The following BRF1 variants were observed in gnomAD, a reference collection of about 807,000 sequenced individuals.
BRF1 encodes transcription factor IIIB 90 kDa subunit.
In BRF1, 59 loss-of-function variants were observed where a neutral mutation model predicts 81.7. The observed-to-expected ratio is 0.72, with a 90% CI of 0.59 to 0.90. The LOEUF is 0.90. Among genes scored for constraint, BRF1 ranks in the 40% least tolerant of loss-of-function variants. The pLI is 0.00. For synonymous variants in BRF1, 491 were observed against 395.6 expected, an observed-to-expected ratio of 1.24 and a Z score of -2.86; for missense variants, 1,050 against 936.3, an observed-to-expected ratio of 1.12 and a Z score of -1.58.
At chr14:105,229,567 C>A (rs587664136) in intron 6 of BRF1, among the ~76,000 whole-genome samples, 12 of 152,210 alleles carry the variant, frequency 7.9e-5, no homozygotes, top group African/African-American at 2.9e-4. Flanking sequence ...GCACCAAGGG[C>A]AAAGTGAGAG....
chr14:105,246,983 T>C lies in BRF1; in HGVS notation c.544+5524A>G, dbSNP rs587654616. The stretch of plus-strand genomic sequence containing the variant: ...TTCCCCAAATGGACCCACCACAACC[T>C]GCTGATCCTTTCTGTTGCTGATGGA... On this transcript the variant is annotated intron_variant, in intron 5 of 17. Coordinates refer to ENST00000547530, the MANE Select transcript of BRF1 (RefSeq NM_001519.4). The C allele has an allele frequency of 2.2e-4, 221 of 985,462 alleles. 1 individual carries two copies. The highest frequency in any genetic ancestry group is 1.6e-3 in the Middle Eastern group (3 of 1,914). The allele number at this position is 985,462 out of a possible 1,614,324, so 61.0% of individuals were successfully genotyped here. A position where few individuals can be genotyped will look rare whatever the true frequency, so the allele number is the denominator to read the frequency against.
chr14:105,219,574 AG>A (rs1891913118), intron 12 of BRF1: 1 of 474,200 alleles, frequency 2.1e-6, no homozygotes, highest in East Asian at 3.4e-5. Context: ...ACTCAGGTAC[AG>A]ATGGGCCAGG....
At chr14:105,249,061 G>C in intron 5 of BRF1, 1 of 1,314,342 alleles carries the variant, frequency 7.6e-7, no homozygotes. Flanking sequence ...GGCTGGCGGT[G>C]CTGCCGCCCC....
intron 3 of BRF1, among the ~76,000 whole-genome samples, chr14:105,262,088 G>A (rs587758809): frequency 5.3e-5 from 8 of 152,336 alleles, no homozygotes; most frequent in East Asian, 1.9e-4. Context: ...AGCACTCAGC[G>A]GCCGACCAAG....
At chr14:105,248,428 C>G (rs906627252) in intron 5 of BRF1, 10 of 985,356 alleles carry the variant, frequency 1.0e-5, no homozygotes, top group Non-Finnish European at 1.2e-5. Context: ...CTGCACAGCG[C>G]GCGGCTCGCG....
intron 1 of BRF1, 94 bp from the exon 2 acceptor site, chr14:105,286,470 C>A: frequency 7.6e-7 from 1 of 1,308,808 alleles, no homozygotes; most frequent in Non-Finnish European, 1.1e-6. Context: ...GAGAACAAAG[C>A]GGGGGTCAGC....
At chr14:105,313,013 C>T (rs2058388362) in intron 1 of BRF1, among the ~76,000 whole-genome samples, 1 of 152,150 alleles carries the variant, frequency 6.6e-6, no homozygotes, top group South Asian at 2.1e-4. Context: ...ACTGTCACGT[C>T]CCTTAAGGGC....
chr14:105,211,333 G>A lies in BRF1; in HGVS notation c.1825-40C>T. 3 of 1,528,698 alleles carry A rather than the reference G, an allele frequency of 2.0e-6. No homozygotes were observed. The South Asian group carries it at 3.7e-5, about 19-fold the overall frequency. The allele number at this position is 1,528,698 out of a possible 1,614,324, so 94.7% of individuals were successfully genotyped here. The stretch of plus-strand genomic sequence containing the variant: ...GGCTCTGACACACACAGAGCTGGGA[G>A]CCCTGTGTATCTCAACAGACCCCTC... On this transcript the variant is annotated intron_variant, in intron 16 of 17. Coordinates refer to ENST00000547530, the MANE Select transcript of BRF1 (RefSeq NM_001519.4).
chr14:105,211,696 C>A, intron 16 of BRF1: 1 of 351,228 alleles, frequency 2.8e-6, no homozygotes, highest in Non-Finnish European at 5.3e-6. Flanking sequence ...CAGCCCCCGC[C>A]ACCTGCCAGC....
At chr14:105,226,460 C>G (rs749223438) in intron 8 of BRF1, among the ~76,000 whole-genome samples, 170 bp from the exon 9 acceptor site, 1 of 152,202 alleles carries the variant, frequency 6.6e-6, no homozygotes, top group Non-Finnish European at 1.5e-5. Flanking sequence ...GTGGCACTTC[C>G]CAGAGTCTGT....
chr14:105,315,180 C>T lies in BRF1; in HGVS notation c.-162+142G>A. Reference sequence around the variant, plus strand: ...CGCGCCCCCGCCCGCCGGTTCGACGCGTGCAGCCGCCGCCCCCCCGCAGCT... The same window carrying T: ...CGCGCCCCCGCCCGCCGGTTCGACGTGTGCAGCCGCCGCCCCCCCGCAGCT... On this transcript the variant is annotated intron_variant, in intron 1 of 17. Coordinates refer to the BRF1 transcript ENST00000327359. The surrounding 1 kb of genome is among the most constrained non-coding windows in gnomAD (Gnocchi z 4.4). The T allele has an allele frequency of 5.9e-6, 2 of 338,738 alleles. No homozygotes were observed. Among genetic ancestry groups the T allele is most frequent in the Non-Finnish European group, 8.6e-6 (2 of 231,912 alleles). The allele number at this position is 338,738 out of a possible 1,614,324, so 21.0% of individuals were successfully genotyped here. A position where few individuals can be genotyped will look rare whatever the true frequency, so the allele number is the denominator to read the frequency against.
intron 7 of BRF1, among the ~76,000 whole-genome samples, chr14:105,228,589 G>C (rs115342419): frequency 1.3e-5 from 2 of 151,466 alleles, no homozygotes; most frequent in African/African-American, 4.9e-5. Context: ...GGATGCCTCC[G>C]CAGGATAGGG....
chr14:105,274,230 T>A (rs1228299567), intron 2 of BRF1, among the ~76,000 whole-genome samples: 1 of 152,164 alleles, frequency 6.6e-6, no homozygotes, highest in Non-Finnish European at 1.5e-5. Flanking sequence ...CTTGCTGACC[T>A]TCTCCCCACT....
chr14:105,241,024 G>A (rs890088081), intron 6 of BRF1, among the ~76,000 whole-genome samples: 1 of 152,224 alleles, frequency 6.6e-6, no homozygotes, highest in Non-Finnish European at 1.5e-5. Flanking sequence ...CTGGGGTCAA[G>A]GCCGCTCTGC....
At chr14:105,295,338 G>T (rs1277031701) in intron 1 of BRF1, among the ~76,000 whole-genome samples, 4 of 150,854 alleles carry the variant, frequency 2.7e-5, no homozygotes, top group African/African-American at 9.8e-5. Context: ...ATTGGCGTTG[G>T]CTCACACCTG....
chr14:105,295,816 C>G (rs587630747), intron 1 of BRF1, among the ~76,000 whole-genome samples: 86 of 150,540 alleles, frequency 5.7e-4, no homozygotes, highest in African/African-American at 2.0e-3. Context: ...CGGTGGCTCA[C>G]GCCTGTAATC....
chr14:105,260,951 G>A (rs2056122071), intron 3 of BRF1, among the ~76,000 whole-genome samples: 2 of 152,358 alleles, frequency 1.3e-5, no homozygotes, highest in South Asian at 4.1e-4. Context: ...AGGTCCCCCA[G>A]CTAATGAGCT....
At chr14:105,216,461 A>G (rs1891325299) in intron 15 of BRF1, among the ~76,000 whole-genome samples, 1 of 152,214 alleles carries the variant, frequency 6.6e-6, no homozygotes, top group Non-Finnish European at 1.5e-5. Flanking sequence ...GCACCCCCAG[A>G]GGACCAGTGC....
chr14:105,252,676 A>C, intron 4 of BRF1, 97 bp from the exon 5 acceptor site: 1 of 1,312,200 alleles, frequency 7.6e-7, no homozygotes, highest in Non-Finnish European at 1.0e-6. Flanking sequence ...GTCTTTAAAG[A>C]CTCCGATGGC....
Sources: gnomAD v4.1 joint callset for allele counts (sites outside exome capture counted in the v4.1 genomes callset) on GRCh38, gnomAD v4.1.1 for gene constraint, Gnocchi (gnomAD v3.1) non-coding constraint, MANE v1.5 for transcripts, NCBI Gene and HGNC (gene_info 2026-07-23, HGNC 2026-07-21) for gene names.